Variants in PTPN14 observed in about 807,000 individuals in gnomAD.
The protein encoded by PTPN14 is tyrosine-protein phosphatase non-receptor type 14.
PTPN14 carries 53 observed loss-of-function variants against 126.8 expected under a neutral mutation model. That is an observed-to-expected ratio of 0.42 (90% confidence interval 0.34 to 0.53). PTPN14 has a LOEUF of 0.53. Among genes scored for constraint, PTPN14 ranks in the 20% least tolerant of loss-of-function variants. The pLI, the probability that PTPN14 is intolerant of heterozygous loss-of-function variation, is 0.08. For synonymous variants in PTPN14, 630 were observed against 599.3 expected (o/e 1.05, Z -0.75); for missense variants, 1,257 against 1,552.9 (o/e 0.81, Z 3.20).
chr1:214,516,477 T>A (rs1459787869), intron 1 of PTPN14, among the ~76,000 whole-genome samples: 1 of 152,250 alleles, frequency 6.6e-6, no homozygotes, highest in Non-Finnish European at 1.5e-5. Context: ...ATATGACATC[T>A]GCCAGAAAGC....
chr1:214,379,094 TA>T (rs1462480986), intron 13 of PTPN14, among the ~76,000 whole-genome samples: 1 of 152,200 alleles, frequency 6.6e-6, no homozygotes, highest in Non-Finnish European at 1.5e-5. Flanking sequence ...GGGCCTTTCC[TA>T]AAATTAAGTG....
intron 1 of PTPN14, among the ~76,000 whole-genome samples, chr1:214,545,164 A>T (rs1379315551): frequency 6.6e-6 from 1 of 152,248 alleles, no homozygotes; most frequent in African/African-American, 2.4e-5. Flanking sequence ...AATCTTCAAA[A>T]ATTTGAGATC....
chr1:214,383,373 T>G lies in PTPN14; in HGVS notation c.2482A>C (p.Arg828=), dbSNP rs1244454199. ...ERVKKEPVKE[R]PVSEMFSLED... ...AGGGAAAACATTTCAGACACAGGTC[T>G]CTCCTTCACAGGCTCTTTTTTGACC... The change falls in exon 13 of 19, where the codon AGA becomes CGA. Residue 828 remains arginine (R), a synonymous_variant. Transcript: ENST00000366956. The surrounding 1 kb of genome is among the most constrained non-coding windows in gnomAD (Gnocchi z 4.4). 2 of 1,614,076 alleles carry G rather than the reference T, an allele frequency of 1.2e-6. No homozygotes were observed. Among genetic ancestry groups the G allele is most frequent in the Non-Finnish European group, 1.7e-6 (2 of 1,180,044 alleles).
At chr1:214,401,305 T>C (rs1479529367) in intron 7 of PTPN14, among the ~76,000 whole-genome samples, 4 of 152,190 alleles carry the variant, frequency 2.6e-5, no homozygotes, top group Non-Finnish European at 2.9e-5. Context: ...TATCCCTGTA[T>C]TGGCTCAATG....
chr1:214,380,054 C>T (rs3104458), intron 13 of PTPN14, among the ~76,000 whole-genome samples: 17,164 of 152,270 alleles, frequency 0.11, 1,086 homozygotes, highest in South Asian at 0.16. Context: ...TCTCAATTCT[C>T]GGGAACCCCC....
chr1:214,453,934 A>G (rs1013643722), intron 2 of PTPN14, among the ~76,000 whole-genome samples: 5 of 152,198 alleles, frequency 3.3e-5, no homozygotes, highest in Non-Finnish European at 7.3e-5. Flanking sequence ...ATCCTCTGAG[A>G]TCTATGATGT....
At chr1:214,471,600 A>G (rs1045635392) in intron 1 of PTPN14, among the ~76,000 whole-genome samples, 5 of 152,180 alleles carry the variant, frequency 3.3e-5, no homozygotes, top group African/African-American at 1.2e-4. Flanking sequence ...GACCTACTGT[A>G]GAGAAAGTCT....
At chr1:214,515,899 C>T (rs1358081264) in intron 1 of PTPN14, among the ~76,000 whole-genome samples, 1 of 152,068 alleles carries the variant, frequency 6.6e-6, no homozygotes, top group East Asian at 1.9e-4. Context: ...TTTCACTGAC[C>T]CTGGAAAAGT....
chr1:214,368,026 C>A (rs1316619995), intron 17 of PTPN14, among the ~76,000 whole-genome samples: 1 of 152,066 alleles, frequency 6.6e-6, no homozygotes, highest in East Asian at 1.9e-4. Context: ...AATGAATTAG[C>A]CATTGAGCAA....
At chr1:214,491,073 AAGAG>A (rs200503700) in intron 1 of PTPN14, among the ~76,000 whole-genome samples, 3 of 149,650 alleles carry the variant, frequency 2.0e-5, no homozygotes, top group South Asian at 2.1e-4. Context: ...GAAAGAAAGA[AAGAG>A]AAAGAAAGAA....
intron 3 of PTPN14, among the ~76,000 whole-genome samples, chr1:214,450,796 CA>C (rs948318950): frequency 2.6e-5 from 4 of 152,112 alleles, no homozygotes; most frequent in African/African-American, 9.7e-5. Context: ...ATACCAACAT[CA>C]AAAAAATGCA....
chr1:214,490,741 G>A (rs1293001490), intron 1 of PTPN14, among the ~76,000 whole-genome samples: 1 of 150,248 alleles, frequency 6.7e-6, no homozygotes, highest in East Asian at 2.0e-4. Flanking sequence ...GGAGGCTACA[G>A]CAGAAGAATC....
At chr1:214,413,535 C>T (rs17022839) in intron 4 of PTPN14, among the ~76,000 whole-genome samples, 2,562 of 152,328 alleles carry the variant, frequency 0.017, 81 homozygotes, top group African/African-American at 0.058. Flanking sequence ...TCTAAAACAA[C>T]AGTCCATGCA....
chr1:214,450,052 G>A (rs1660237957), intron 3 of PTPN14, among the ~76,000 whole-genome samples: 1 of 151,852 alleles, frequency 6.6e-6, no homozygotes, highest in Non-Finnish European at 1.5e-5. Flanking sequence ...AGGATTGCGG[G>A]AGCCCAGGAG....
At chr1:214,402,299 G>A (rs576594716) in intron 6 of PTPN14, among the ~76,000 whole-genome samples, 5 of 151,772 alleles carry the variant, frequency 3.3e-5, no homozygotes, top group African/African-American at 9.7e-5. Flanking sequence ...TTAGCTGGGT[G>A]TGGTGGTGCA....
chr1:214,387,920 CAAT>C (rs747190457), intron 11 of PTPN14, among the ~76,000 whole-genome samples: 2 of 152,080 alleles, frequency 1.3e-5, no homozygotes, highest in Non-Finnish European at 2.9e-5. Context: ...TGGCCCACAA[CAAT>C]GAGTGTGTAG....
chr1:214,458,716 T>C (rs947718656), intron 2 of PTPN14, among the ~76,000 whole-genome samples: 2 of 152,156 alleles, frequency 1.3e-5, no homozygotes, highest in South Asian at 2.1e-4. Flanking sequence ...CTCTGCTGTG[T>C]TTTCATGTAC....
At chr1:214,390,510 T>C (rs1473801064) in intron 11 of PTPN14, among the ~76,000 whole-genome samples, 4 of 152,180 alleles carry the variant, frequency 2.6e-5, no homozygotes, top group Non-Finnish European at 5.9e-5. Flanking sequence ...AAATATGCAA[T>C]CAATTTTCCC....
In PTPN14 at chr1:214,364,038, C is replaced by G. The variant is rs1658014313; in HGVS notation, c.3435+474G>C. ...TACACCACGCAACAACCAGACTAGACAAGCAAACAACCCCTCAAACCTCAC... is the reference window on the plus strand; with the variant it reads ...TACACCACGCAACAACCAGACTAGAGAAGCAAACAACCCCTCAAACCTCAC... On this transcript the variant is annotated intron_variant, in intron 18 of 18. Transcript: ENST00000366956. The surrounding 1 kb of genome is among the most constrained non-coding windows in gnomAD (Gnocchi z 4.1). Among the ~76,000 whole-genome samples the G allele has an allele frequency of 6.6e-6, 1 of 152,184 alleles. No individual in the cohort carries two copies. Among genetic ancestry groups the G allele is most frequent in the Non-Finnish European group, 1.5e-5 (1 of 68,030 alleles).
Sources: allele counts gnomAD v4.1 joint callset (sites outside exome capture counted in the v4.1 genomes callset), GRCh38; gene constraint gnomAD v4.1.1; non-coding constraint Gnocchi (gnomAD v3.1); transcripts MANE v1.5; gene names NCBI Gene and HGNC (gene_info 2026-07-23, HGNC 2026-07-21).